MINDY4: variants seen among roughly 807,000 people sequenced by gnomAD.
MINDY4 encodes the protein MINDY lysine 48 deubiquitinase 4, also known as probable ubiquitin carboxyl-terminal hydrolase MINDY-4.
A neutral mutation model predicts 87.0 loss-of-function variants in MINDY4; 68 were observed. The ratio of observed to expected loss-of-function variants is 0.78; its 90% confidence interval spans 0.64 to 0.96. The LOEUF (loss-of-function observed/expected upper bound fraction) is 0.96, where lower values mean the gene tolerates loss of function less well. Among genes scored for constraint, MINDY4 ranks in the 40% least tolerant of loss-of-function variants. The probability of loss-of-function intolerance (pLI) is 0.00; values close to 1 mark genes in which losing one functional copy is unlikely to be tolerated. For synonymous variants in MINDY4, 379 were observed against 363.2 expected, an observed-to-expected ratio of 1.04 and a Z score of -0.50; for missense variants, 919 against 928.2, an observed-to-expected ratio of 0.99 and a Z score of 0.13.
intron 13 of MINDY4, among the ~76,000 whole-genome samples, chr7:30,867,137 G>A (rs966663302): frequency 6.6e-6 from 1 of 152,140 alleles, no homozygotes; most frequent in African/African-American, 2.4e-5. Context: ...CAAAGGTCAC[G>A]CAGTGCAGGT....
intron 17 of MINDY4, among the ~76,000 whole-genome samples, chr7:30,885,645 A>G (rs997668746): frequency 6.6e-6 from 1 of 152,142 alleles, no homozygotes; most frequent in African/African-American, 2.4e-5. Flanking sequence ...GGAGTCCTCC[A>G]GTGATGCTGA....
At chr7:30,845,185 G>C (rs1789167875) in intron 9 of MINDY4, among the ~76,000 whole-genome samples, 1 of 152,168 alleles carries the variant, frequency 6.6e-6, no homozygotes, top group Non-Finnish European at 1.5e-5. Flanking sequence ...CAGACTCCTA[G>C]GGACCAAGGG....
chr7:30,801,151 G>A (rs894002654), intron 5 of MINDY4, among the ~76,000 whole-genome samples: 1 of 152,170 alleles, frequency 6.6e-6, no homozygotes, highest in Non-Finnish European at 1.5e-5. Flanking sequence ...CCGGGACTTG[G>A]AGGAGGCTTA....
intron 14 of MINDY4, among the ~76,000 whole-genome samples, chr7:30,875,216 G>A (rs1272862006): frequency 1.3e-5 from 2 of 152,218 alleles, no homozygotes; most frequent in Non-Finnish European, 2.9e-5. Context: ...GCCCCCAGTA[G>A]CCTGCAGCAT....
intron 5 of MINDY4, among the ~76,000 whole-genome samples, chr7:30,807,422 A>G (rs1184761652): frequency 6.6e-6 from 1 of 152,136 alleles, no homozygotes; most frequent in Non-Finnish European, 1.5e-5. Flanking sequence ...GACATGGAAG[A>G]TCAGATATCT....
intron 4 of MINDY4, among the ~76,000 whole-genome samples, chr7:30,787,008 A>G (rs1787178264): frequency 6.6e-6 from 1 of 152,186 alleles, no homozygotes; most frequent in African/African-American, 2.4e-5. Context: ...TACCTGCTGT[A>G]TGTTTAGGTG....
intron 6 of MINDY4, among the ~76,000 whole-genome samples, chr7:30,829,897 T>G (rs1282796989): frequency 3.9e-5 from 6 of 152,192 alleles, no homozygotes; most frequent in Non-Finnish European, 1.5e-5. Context: ...TTAGCAATTC[T>G]CAGAAGCAGC....
intron 9 of MINDY4, among the ~76,000 whole-genome samples, chr7:30,846,262 G>C (rs1789214388): frequency 6.6e-6 from 1 of 152,214 alleles, no homozygotes; most frequent in African/African-American, 2.4e-5. Flanking sequence ...TATAGACTCT[G>C]TACATGGCTC....
chr7:30,866,441 G>A (rs1378625965), intron 13 of MINDY4, among the ~76,000 whole-genome samples: 1 of 152,218 alleles, frequency 6.6e-6, no homozygotes, highest in Non-Finnish European at 1.5e-5. Flanking sequence ...AGTGTCACCT[G>A]GGGTAGGTGT....
At chr7:30,829,395 A>T (rs2128563092) in intron 6 of MINDY4, among the ~76,000 whole-genome samples, 1 of 152,352 alleles carries the variant, frequency 6.6e-6, no homozygotes, top group South Asian at 2.1e-4. Flanking sequence ...TGGCCGTGAG[A>T]GGATGAGGCT....
chr7:30,790,788 G>T (rs1325131550), intron 4 of MINDY4, among the ~76,000 whole-genome samples: 1 of 152,186 alleles, frequency 6.6e-6, no homozygotes, highest in East Asian at 1.9e-4. Context: ...TTGTGGACTG[G>T]TTATATTACA....
rs1584317841 is a variant in MINDY4, at chr7:30,853,590, G to A, written c.1677+131G>A. On this transcript the variant is annotated intron_variant, in intron 12 of 17. Coordinates refer to ENST00000265299, the MANE Select transcript of MINDY4 (RefSeq NM_032222.3). Reference sequence around the variant, plus strand: ...GGGATGGCGAGGAAGCTGGGAAGGAGTAATGCTGGCCCCTGGTTGGGGGCT... The same window carrying A: ...GGGATGGCGAGGAAGCTGGGAAGGAATAATGCTGGCCCCTGGTTGGGGGCT... 7 of 805,664 alleles carry A rather than the reference G, an allele frequency of 8.7e-6. No individual in the cohort carries two copies. In the East Asian group the frequency reaches 1.9e-4, roughly 22 times the overall value. 49.9% of individuals were successfully genotyped at this position (805,664 alleles called of 1,614,324 possible).
intron 5 of MINDY4, among the ~76,000 whole-genome samples, chr7:30,816,341 G>C (rs950284093): frequency 6.6e-6 from 1 of 152,124 alleles, no homozygotes; most frequent in Non-Finnish European, 1.5e-5. Flanking sequence ...CCAGAATCCA[G>C]CCTGACTCAA....
intron 3 of MINDY4, 63 bp downstream of exon 3, chr7:30,782,275 C>T: frequency 7.9e-7 from 1 of 1,260,276 alleles, no homozygotes; most frequent in Non-Finnish European, 1.1e-6. Context: ...TTACTATGTA[C>T]TTCATGGCTG....
intron 4 of MINDY4, among the ~76,000 whole-genome samples, chr7:30,790,044 T>A (rs554935039): frequency 2.6e-5 from 4 of 152,142 alleles, no homozygotes; most frequent in Non-Finnish European, 5.9e-5. Flanking sequence ...CATATGTAAG[T>A]GGGCACAGGG....
intron 15 of MINDY4, among the ~76,000 whole-genome samples, 171 bp from the exon 16 acceptor site, chr7:30,882,010 C>T (rs1246422182): frequency 6.6e-6 from 1 of 152,120 alleles, no homozygotes; most frequent in African/African-American, 2.4e-5. Flanking sequence ...AGGGATGGCC[C>T]TGGGAAACAG....
chr7:30,838,118 C>A (rs888422254), intron 7 of MINDY4, among the ~76,000 whole-genome samples: 2 of 152,252 alleles, frequency 1.3e-5, no homozygotes, highest in Admixed American at 6.5e-5. Context: ...AGATGTAAAA[C>A]CATGGCAGAG....
intron 5 of MINDY4, among the ~76,000 whole-genome samples, chr7:30,827,794 CCAAT>C (rs1387073294): frequency 6.6e-6 from 1 of 152,104 alleles, no homozygotes; most frequent in Non-Finnish European, 1.5e-5. Flanking sequence ...CAGGAGGAAA[CCAAT>C]TCAATGGAGT....
chr7:30,771,599 T>C, intron 1 of MINDY4, 43 bp downstream of exon 1: 2 of 1,559,508 alleles, frequency 1.3e-6, no homozygotes, highest in Non-Finnish European at 1.7e-6. Context: ...TGGCTCTAAT[T>C]TGGGGGGATC....
Sources: allele counts gnomAD v4.1 joint callset (sites outside exome capture counted in the v4.1 genomes callset), GRCh38; gene constraint gnomAD v4.1.1; transcripts MANE v1.5; gene names NCBI Gene and HGNC (gene_info 2026-07-23, HGNC 2026-07-21).